The following BICDL1 variants were observed in gnomAD, a reference collection of about 807,000 sequenced individuals.
BICDL1 encodes BICD family-like cargo adapter 1.
Under a neutral mutation model 76.8 loss-of-function variants are expected in BICDL1, and 20 were observed. The ratio of observed to expected loss-of-function variants is 0.26; its 90% CI spans 0.18 to 0.38. The LOEUF is 0.38. Ranked by LOEUF, BICDL1 falls within the 10% of genes least tolerant of loss-of-function variation. The pLI, the probability that BICDL1 is intolerant of heterozygous loss-of-function variation, is 1.00. For missense variants in BICDL1, 700 were observed against 798.6 expected (o/e 0.88, Z 1.49); for synonymous variants, 383 against 337.1 (o/e 1.14, Z -1.49).
At chr12:120,055,355 A>G (rs1182773590) in intron 2 of BICDL1, among the ~76,000 whole-genome samples, 1 of 152,218 alleles carries the variant, frequency 6.6e-6, no homozygotes, top group African/African-American at 2.4e-5. Context: ...AAGTTTAAAC[A>G]AGCTTAATCT....
chr12:120,023,547 G>T (rs1270532182), intron 2 of BICDL1, among the ~76,000 whole-genome samples: 2 of 152,166 alleles, frequency 1.3e-5, no homozygotes, highest in Non-Finnish European at 2.9e-5. Context: ...CCAGCACTTT[G>T]GGAGGCCAAC....
intron 2 of BICDL1, among the ~76,000 whole-genome samples, chr12:120,055,814 A>T (rs887950447): frequency 6.6e-6 from 1 of 152,228 alleles, no homozygotes; most frequent in African/African-American, 2.4e-5. Context: ...CATCAGGTGT[A>T]TTTGTACTGT....
intron 2 of BICDL1, among the ~76,000 whole-genome samples, chr12:120,036,767 T>A (rs1174783524): frequency 6.6e-6 from 1 of 152,136 alleles, no homozygotes; most frequent in Non-Finnish European, 1.5e-5. Context: ...TCCCAGCTAC[T>A]CGGGAGGCTG....
intron 2 of BICDL1, among the ~76,000 whole-genome samples, chr12:120,033,594 G>T (rs1952473877): frequency 6.6e-6 from 1 of 151,802 alleles, no homozygotes; most frequent in Non-Finnish European, 1.5e-5. Context: ...TGTTAGCCAG[G>T]ATGGTCTCCA....
At chr12:120,032,300 G>A (rs1212050291) in intron 2 of BICDL1, among the ~76,000 whole-genome samples, 1 of 152,192 alleles carries the variant, frequency 6.6e-6, no homozygotes, top group African/African-American at 2.4e-5. Context: ...ACAAGGAGCA[G>A]CTAGCTAGGA....
At chr12:120,075,162 A>G (rs1055791674) in intron 7 of BICDL1, among the ~76,000 whole-genome samples, 17 of 152,122 alleles carry the variant, frequency 1.1e-4, no homozygotes, top group Non-Finnish European at 2.2e-4. Flanking sequence ...AGCTTCTAAA[A>G]CCTATCCTAG....
chr12:120,009,907 C>CTATT (rs1951920787), intron 2 of BICDL1, among the ~76,000 whole-genome samples: 2 of 152,236 alleles, frequency 1.3e-5, no homozygotes, highest in African/African-American at 4.8e-5. Context: ...TAGTCCAGTG[C>CTATT]TATTATAAGT....
rs191335205 is a variant in BICDL1, at chr12:120,046,670, C to G, written c.646-15040C>G. Among the ~76,000 whole-genome samples the G allele has an allele frequency of 3.4e-4, 51 of 152,204 alleles. 1 individual carries two copies. Among genetic ancestry groups the G allele is most frequent in the Admixed American group, 5.9e-4 (9 of 15,266 alleles). The stretch of plus-strand genomic sequence containing the variant: ...CTATGTCTTATTTATCTCTGTATCC[C>G]CAGTTCAAAGCATAGTAGTGTTCCA... On this transcript the variant is annotated intron_variant, in intron 2 of 9. Transcript: ENST00000548673.
Position 120,079,862 on chromosome 12 carries a change from A to G in BICDL1, c.1453-1025A>G, listed in dbSNP as rs2138980054. 6.6e-6 allele frequency among the ~76,000 whole-genome samples: 1 copy of G among 152,358 alleles called. No individual in the cohort carries two copies. The highest frequency in any genetic ancestry group is 1.5e-5 in the Non-Finnish European group (1 of 68,036). Reference sequence around the variant, plus strand: ...GGGGCTTTGCTGTGCTCAGAGCTGCAGTCCCTGGAAGGGGTTGTAACTGGC... The same window carrying G: ...GGGGCTTTGCTGTGCTCAGAGCTGCGGTCCCTGGAAGGGGTTGTAACTGGC... On this transcript the variant is annotated intron_variant, in intron 7 of 9. Transcript: ENST00000548673. The surrounding 1 kb of genome is among the most constrained non-coding windows in gnomAD (Gnocchi z 4.3).
intron 2 of BICDL1, among the ~76,000 whole-genome samples, chr12:120,023,295 A>G (rs547245027): frequency 3.7e-4 from 57 of 152,372 alleles, no homozygotes; most frequent in Middle Eastern, 3.4e-3. Context: ...CCTGTGGGCC[A>G]TGGGTTGGAC....
At chr12:119,997,886 C>CG (rs750398390) in intron 1 of BICDL1, among the ~76,000 whole-genome samples, 1 of 151,972 alleles carries the variant, frequency 6.6e-6, no homozygotes, top group Non-Finnish European at 1.5e-5. Flanking sequence ...GAGGCCGGGC[C>CG]GGGGGGATCA....
chr12:120,071,843 G>C lies in BICDL1; in HGVS notation c.1089+42G>C, dbSNP rs1378731215. 6.6e-7 allele frequency: 1 copy of C among 1,525,194 alleles called. No homozygotes were observed. The highest frequency in any genetic ancestry group is 1.4e-5 in the African/African-American group (1 of 72,390). The allele number at this position is 1,525,194 out of a possible 1,614,324, so 94.5% of individuals were successfully genotyped here. On this transcript the variant is annotated intron_variant, in intron 5 of 9. Transcript: ENST00000548673. The surrounding 1 kb of genome is among the most constrained non-coding windows in gnomAD (Gnocchi z 4.8). Reference sequence around the variant, plus strand: ...CACCCCACAGGCGAGGCTACCTGGGGTTGCTTAGGTCTCATCCTCCTCCCT... The same window carrying C: ...CACCCCACAGGCGAGGCTACCTGGGCTTGCTTAGGTCTCATCCTCCTCCCT...
chr12:120,015,563 T>C (rs1273984758), intron 2 of BICDL1, among the ~76,000 whole-genome samples: 1 of 152,228 alleles, frequency 6.6e-6, no homozygotes, highest in African/African-American at 2.4e-5. Flanking sequence ...GGTTAATTCA[T>C]GTATTTGACT....
chr12:120,086,793 C>T (rs900547494), intron 8 of BICDL1, among the ~76,000 whole-genome samples: 1 of 152,230 alleles, frequency 6.6e-6, no homozygotes, highest in Non-Finnish European at 1.5e-5. Context: ...TGGAATATTC[C>T]TATTTTTAAA....
intron 4 of BICDL1, among the ~76,000 whole-genome samples, chr12:120,069,345 C>T (rs1372961221): frequency 3.9e-5 from 6 of 152,170 alleles, no homozygotes; most frequent in African/African-American, 1.4e-4. Context: ...AAACTGTGGA[C>T]ATTTCTGCCC....
In BICDL1 at chr12:119,990,267, G is replaced by A; in HGVS notation, c.399G>A (p.Gln133=). 1 of 1,574,342 alleles carries A rather than the reference G, an allele frequency of 6.4e-7. No homozygotes were observed. Among genetic ancestry groups the A allele is most frequent in the South Asian group, 1.2e-5 (1 of 85,588 alleles). Residue 133 remains glutamine, a synonymous_variant, in exon 1 of 10, where the codon CAG becomes CAA. Coordinates refer to ENST00000548673, the MANE Select transcript of BICDL1 (RefSeq NM_001367886.1). ...AGGACATGAGCCGGCAGTACGAGCA[G>A]ATGCATAAGGAGCTGACAGACAAGC... ...RNQDMSRQYE[Q]MHKELTDKLE...
intron 1 of BICDL1, among the ~76,000 whole-genome samples, chr12:119,995,190 C>G (rs1187876730): frequency 2.0e-5 from 3 of 152,210 alleles, no homozygotes; most frequent in Non-Finnish European, 2.9e-5. Flanking sequence ...TCCTGACAGT[C>G]TCCCTAGAGT....
chr12:120,056,737 G>C (rs1245031788), intron 2 of BICDL1, among the ~76,000 whole-genome samples: 3 of 151,976 alleles, frequency 2.0e-5, no homozygotes, highest in Non-Finnish European at 4.4e-5. Context: ...AAAAGTGAAA[G>C]AGAAAGAGTG....
chr12:120,077,808 T>A (rs1215772436), intron 7 of BICDL1, among the ~76,000 whole-genome samples: 1 of 44,966 alleles, frequency 2.2e-5, no homozygotes, highest in African/African-American at 8.4e-5. Flanking sequence ...CCGCCCACCC[T>A]CACACGCTTT....
Sources: allele counts gnomAD v4.1 joint callset (sites outside exome capture counted in the v4.1 genomes callset), GRCh38; gene constraint gnomAD v4.1.1; non-coding constraint Gnocchi (gnomAD v3.1); transcripts MANE v1.5; gene names NCBI Gene and HGNC (gene_info 2026-07-23, HGNC 2026-07-21).